The following ABCA3 variants were observed in gnomAD, a reference collection of about 807,000 sequenced individuals.
The protein encoded by ABCA3 is phospholipid-transporting ATPase ABCA3.
In ABCA3, 88 loss-of-function variants were observed where a neutral mutation model predicts 172.8. That is an observed-to-expected ratio of 0.51 (90% confidence interval 0.43 to 0.61). The LOEUF (loss-of-function observed/expected upper bound fraction) is 0.61, where lower values mean the gene tolerates loss of function less well. ABCA3 is among the 20% of genes least tolerant of loss of function. The pLI is 0.00. For missense variants in ABCA3, 2,164 were observed against 2,301.0 expected (o/e 0.94, Z 1.22); for synonymous variants, 1,066 against 983.8 (o/e 1.08, Z -1.56).
At chr16:2,320,688 C>T (rs1161590957) in intron 7 of ABCA3, among the ~76,000 whole-genome samples, 1 of 152,084 alleles carries the variant, frequency 6.6e-6, no homozygotes, top group Non-Finnish European at 1.5e-5. Flanking sequence ...TGAGCCACTG[C>T]GCCCAGCCTG....
At chr16:2,303,382 C>T (rs2093692548) in intron 12 of ABCA3, among the ~76,000 whole-genome samples, 1 of 151,914 alleles carries the variant, frequency 6.6e-6, no homozygotes, top group Admixed American at 6.6e-5. Flanking sequence ...CTGCCTCAGC[C>T]TCCCGAGTAG....
rs776945931 is a variant in ABCA3, at chr16:2,284,903, G to C, written c.3579C>G (p.Ile1193Met). ...LLLLLYGWAI[I>M]PLMYLMNFFF... is the part of the protein sequence containing the mutation. Reference sequence around the variant, plus strand: ...AGAAGTTCATCAGGTACATGAGGGGGATGATGGCCCAGCCGTAGAGCAGGA... The same window carrying C: ...AGAAGTTCATCAGGTACATGAGGGGCATGATGGCCCAGCCGTAGAGCAGGA... Residue 1193 changes from isoleucine to methionine, a missense_variant, in exon 24 of 33, where the codon ATC (isoleucine) becomes ATG (methionine). Physicochemically the swap from Ile to Met is conservative, Grantham distance 10. Transcript: ENST00000301732. This position sits in a 1 kb window ranked among gnomAD's most constrained non-coding sequence, Gnocchi z 5.9. 1.1e-5 allele frequency: 18 copies of C among 1,613,826 alleles called. No homozygotes were observed. The highest frequency in any genetic ancestry group is 1.5e-5 in the Non-Finnish European group (18 of 1,180,014).
At position 2,281,436 on chromosome 16, in the gene ABCA3, G is replaced by T. The variant is rs2093654982; in HGVS notation, c.4109C>A (p.Ala1370Asp). 1.9e-6 allele frequency: 3 copies of T among 1,613,588 alleles called. No individual in the cohort carries two copies. Residue 1370 changes from alanine to aspartate, a missense_variant, in exon 27 of 33, where the codon GCC (alanine) becomes GAC (aspartate). Ala to Asp is a moderately radical substitution (Grantham distance 126). Coordinates refer to ENST00000301732, the MANE Select transcript of ABCA3 (RefSeq NM_001089.3). The surrounding 1 kb of genome is among the most constrained non-coding windows in gnomAD (Gnocchi z 4.7). ...DVADERTRILAPSPDSLLHTP... is the reference protein window; with the variant it reads ...DVADERTRILDPSPDSLLHTP... ...GTGGAGCAGGGAGTCCGGACTGGGGGCCAGGATGCGGGTCCTCTCGTCCGC... is the reference window on the plus strand; with the variant it reads ...GTGGAGCAGGGAGTCCGGACTGGGGTCCAGGATGCGGGTCCTCTCGTCCGC...
Position 2,283,796 on chromosome 16 carries a change from T to G in ABCA3, c.3863-438A>C. 8.0e-6 allele frequency: 2 copies of G among 249,140 alleles called. No homozygotes were observed. Among genetic ancestry groups the G allele is most frequent in the South Asian group, 1.1e-4 (2 of 17,484 alleles). 15.4% of individuals were successfully genotyped at this position (249,140 alleles called of 1,614,324 possible). On this transcript the variant is annotated intron_variant, in intron 25 of 32. Transcript: ENST00000301732. This position sits in a 1 kb window ranked among gnomAD's most constrained non-coding sequence, Gnocchi z 5.4. Reference sequence around the variant, plus strand: ...TTTGAATATGTGATTAGTAAGGATCTTAAGGTGAGACACTGGATTAGTGTG... The same window carrying G: ...TTTGAATATGTGATTAGTAAGGATCGTAAGGTGAGACACTGGATTAGTGTG...
chr16:2,333,875 A>C (rs2093747316), intron 1 of ABCA3, among the ~76,000 whole-genome samples: 1 of 151,836 alleles, frequency 6.6e-6, no homozygotes, highest in South Asian at 2.1e-4. Flanking sequence ...TTTTTAGTAG[A>C]GACAGGGTTT....
At chr16:2,308,312 C>A (rs323074) in intron 11 of ABCA3, 138 bp downstream of exon 11, 2 of 1,039,086 alleles carry the variant, frequency 1.9e-6, no homozygotes, top group African/African-American at 1.6e-5. Context: ...GCGCTGTATG[C>A]GGATGCTGCT....
chr16:2,307,871 C>T (rs2093700331), intron 11 of ABCA3, among the ~76,000 whole-genome samples: 1 of 152,148 alleles, frequency 6.6e-6, no homozygotes, highest in African/African-American at 2.4e-5. Flanking sequence ...TCCCAAAGTG[C>T]TGGGATTATA....
chr16:2,284,459 A>G lies in ABCA3; in HGVS notation c.3704-22T>C. 6.2e-7 allele frequency: 1 copy of G among 1,613,304 alleles called. No homozygotes were observed. The highest frequency in any genetic ancestry group is 1.1e-5 in the South Asian group (1 of 91,032). On this transcript the variant is annotated intron_variant, in intron 24 of 32. Coordinates refer to ENST00000301732, the MANE Select transcript of ABCA3 (RefSeq NM_001089.3). This position sits in a 1 kb window ranked among gnomAD's most constrained non-coding sequence, Gnocchi z 5.9. ...ACAGCTGCGTTGGGGAGGTAAGATC[A>G]GTCTGCGCTGGAGGGCACACCACAC...
chr16:2,296,717 G>A (rs2093680311), intron 17 of ABCA3, among the ~76,000 whole-genome samples: 1 of 152,224 alleles, frequency 6.6e-6, no homozygotes, highest in African/African-American at 2.4e-5. Flanking sequence ...CTGAGCATGT[G>A]GCTGCCCAGG....
intron 19 of ABCA3, among the ~76,000 whole-genome samples, chr16:2,290,155 G>A (rs771122330): frequency 5.3e-5 from 8 of 152,102 alleles, no homozygotes; most frequent in Admixed American, 1.3e-4. Context: ...GCAGGCTGCC[G>A]TGAGGCCTAA....
chr16:2,329,411 G>T (rs1401753975), intron 2 of ABCA3, among the ~76,000 whole-genome samples: 1 of 152,150 alleles, frequency 6.6e-6, no homozygotes, highest in Non-Finnish European at 1.5e-5. Context: ...GATGGGCGTG[G>T]GGTTGGCTGA....
Position 2,319,636 on chromosome 16 carries a change from T to G in ABCA3, c.818A>C (p.Tyr273Ser), listed in dbSNP as rs941134010. The change falls in exon 8 of 33, where the codon TAC becomes TCC. Residue 273 changes from tyrosine (Y) to serine (S), a missense_variant. Around this residue, in one of 3 missense-constraint regions of ABCA3, gnomAD observed 1,343 missense variants for 1,369.6 expected, o/e 0.98. Coordinates refer to ENST00000301732, the MANE Select transcript of ABCA3 (RefSeq NM_001089.3). ...LPLLLLLSFTYTALTIARAVV... is the reference protein window; with the variant it reads ...LPLLLLLSFTSTALTIARAVV... ...AGCACGGGCAATGGTGAGCGCGGTG[T>G]AGGTGAAGCTGAGCAGCAGCAGCAG... 2 of 1,613,466 alleles carry G rather than the reference T, an allele frequency of 1.2e-6. No individual in the cohort carries two copies. Among genetic ancestry groups the G allele is most frequent in the Admixed American group, 1.7e-5 (1 of 59,968 alleles).
chr16:2,304,619 G>A (rs1225301466), intron 11 of ABCA3, among the ~76,000 whole-genome samples: 1 of 142,168 alleles, frequency 7.0e-6, no homozygotes, highest in African/African-American at 2.6e-5. Flanking sequence ...CAATTCTCCT[G>A]TCTCAGCCTT....
At chr16:2,282,427 C>G (rs2093656559) in intron 26 of ABCA3, among the ~76,000 whole-genome samples, 1 of 152,240 alleles carries the variant, frequency 6.6e-6, no homozygotes, top group African/African-American at 2.4e-5. Flanking sequence ...AGACAGTTCC[C>G]TTTTTAGAGA....
chr16:2,283,525 A>G lies in ABCA3; in HGVS notation c.3863-167T>C. On this transcript the variant is annotated intron_variant, in intron 25 of 32. Coordinates refer to ENST00000301732, the MANE Select transcript of ABCA3 (RefSeq NM_001089.3). This position sits in a 1 kb window ranked among gnomAD's most constrained non-coding sequence, Gnocchi z 5.4. The stretch of plus-strand genomic sequence containing the variant: ...GGTCACAGCTGCCTCTCGAGGCACC[A>G]CAGCTCAGAGAGGGGCCAGGCACGT... 1 of 741,850 alleles carries G rather than the reference A, an allele frequency of 1.3e-6. No individual in the cohort carries two copies. Among genetic ancestry groups the G allele is most frequent in the South Asian group, 1.9e-5 (1 of 54,006 alleles). The allele number at this position is 741,850 out of a possible 1,614,324, so 46.0% of individuals were successfully genotyped here.
chr16:2,323,173 G>A (rs1223730682), intron 7 of ABCA3, among the ~76,000 whole-genome samples: 3 of 152,238 alleles, frequency 2.0e-5, no homozygotes, highest in African/African-American at 7.2e-5. Context: ...TGGAGAGGAT[G>A]AGGAGAAATA....
chr16:2,300,965 TC>T (rs2093687996), intron 12 of ABCA3, among the ~76,000 whole-genome samples: 1 of 152,088 alleles, frequency 6.6e-6, no homozygotes, highest in Non-Finnish European at 1.5e-5. Flanking sequence ...GCACGGTGGC[TC>T]GAGCCTGTAA....
chr16:2,276,946 G>C (rs2093647399), intron 32 of ABCA3, 141 bp from the exon 33 acceptor site: 1 of 1,297,742 alleles, frequency 7.7e-7, no homozygotes. Context: ...GCCCCAGAGA[G>C]GTCAGCCCTG....
chr16:2,301,284 A>G (rs1052093979), intron 12 of ABCA3, among the ~76,000 whole-genome samples: 5 of 152,132 alleles, frequency 3.3e-5, no homozygotes, highest in Non-Finnish European at 7.4e-5. Flanking sequence ...CCATAGTGTA[A>G]GTGTGGCATT....
Sources: gnomAD v4.1 joint callset for allele counts (sites outside exome capture counted in the v4.1 genomes callset) on GRCh38, gnomAD v4.1.1 for gene constraint, gnomAD v4.1.1 regional missense constraint, Gnocchi (gnomAD v3.1) non-coding constraint, MANE v1.5 for transcripts, NCBI Gene and HGNC (gene_info 2026-07-23, HGNC 2026-07-21) for gene names.